TNS3: variants seen among roughly 807,000 people sequenced by gnomAD.
TNS3 encodes tensin-3.
TNS3 carries 45 observed loss-of-function variants against 140.9 expected under a neutral mutation model. That is an observed-to-expected ratio of 0.32 (90% CI 0.25 to 0.41). TNS3 has a LOEUF of 0.41. Ranked by LOEUF, TNS3 falls within the 10% of genes least tolerant of loss-of-function variation. The pLI, the probability that TNS3 is intolerant of heterozygous loss-of-function variation, is 1.00. For synonymous variants in TNS3, 815 were observed against 788.4 expected (o/e 1.03, Z -0.56); for missense variants, 1,716 against 1,906.7 (o/e 0.90, Z 1.86).
chr7:47,475,324 C>A lies in TNS3; in HGVS notation c.-76+5779G>T, dbSNP rs1397803976. On this transcript the variant is annotated intron_variant, in intron 4 of 30. Transcript: ENST00000311160. ...GACTCAGCCACTATTCTTACCCAACCCCTCTTCCAGGGCCACAGACCACAG... is the reference window on the plus strand; with the variant it reads ...GACTCAGCCACTATTCTTACCCAACACCTCTTCCAGGGCCACAGACCACAG... Among the ~76,000 whole-genome samples, 3 of 152,252 alleles carry A rather than the reference C, an allele frequency of 2.0e-5. No homozygotes were observed. The East Asian group carries it at 5.8e-4, about 29-fold the overall frequency.
chr7:47,282,463 C>A (rs1046670043), intron 28 of TNS3, among the ~76,000 whole-genome samples: 5 of 150,084 alleles, frequency 3.3e-5, no homozygotes, highest in African/African-American at 1.2e-4. Flanking sequence ...CTGAGTCCAC[C>A]GTGAAACTGA....
At position 47,435,820 on chromosome 7, in the gene TNS3, G is replaced by A. The variant is rs572133372; in HGVS notation, c.202-416C>T. 2.0e-5 allele frequency among the ~76,000 whole-genome samples: 3 copies of A among 152,254 alleles called. No individual in the cohort carries two copies. The South Asian group carries it at 6.2e-4, about 32-fold the overall frequency. ...CAGCCAGCCATCTCCCACACCGTGC[G>A]GACAACACCTCAGAGACAATCTCCT... On this transcript the variant is annotated intron_variant, in intron 7 of 30. Coordinates refer to ENST00000311160, the MANE Select transcript of TNS3 (RefSeq NM_022748.12).
intron 24 of TNS3, 95 bp downstream of exon 24, chr7:47,296,987 G>A (rs1239881148): frequency 6.8e-6 from 10 of 1,475,768 alleles, no homozygotes; most frequent in African/African-American, 1.4e-5. Context: ...TGTGAGTATT[G>A]TTAAAGTCAT....
intron 16 of TNS3, among the ~76,000 whole-genome samples, chr7:47,396,234 C>T (rs1443337471): frequency 6.6e-6 from 1 of 152,186 alleles, no homozygotes; most frequent in Non-Finnish European, 1.5e-5. Flanking sequence ...CTGCCCCTTC[C>T]TTCCTTTCCT....
Position 47,369,277 on chromosome 7 carries a change from C to A in TNS3, c.1369G>T (p.Val457Leu), listed in dbSNP as rs751534391. The change falls in exon 17 of 31, where the codon GTG (valine) becomes TTG (leucine). Residue 457 changes from valine (V) to leucine (L), a missense_variant. Physicochemically the swap from Val to Leu is conservative, Grantham distance 32. Transcript: ENST00000311160. ...ARSKYSGTRHVVPAQVHVNGD... is the reference protein window; with the variant it reads ...ARSKYSGTRHLVPAQVHVNGD... ...TTCACGTGAACCTGGGCTGGCACCACGTGGCGGGTCCCACTGTACTTGCTT... is the reference window on the plus strand; with the variant it reads ...TTCACGTGAACCTGGGCTGGCACCAAGTGGCGGGTCCCACTGTACTTGCTT... 14 of 1,614,210 alleles carry A rather than the reference C, an allele frequency of 8.7e-6. No homozygotes were observed. Among genetic ancestry groups the A allele is most frequent in the Non-Finnish European group, 1.2e-5 (14 of 1,180,046 alleles).
chr7:47,489,163 C>T (rs547036040), intron 3 of TNS3, among the ~76,000 whole-genome samples: 2 of 152,284 alleles, frequency 1.3e-5, no homozygotes, highest in African/African-American at 4.8e-5. Context: ...AGAAAACACC[C>T]GCCCGGCAGA....
intron 1 of TNS3, among the ~76,000 whole-genome samples, chr7:47,568,708 G>A (rs982469576): frequency 1.3e-5 from 2 of 152,218 alleles, no homozygotes; most frequent in Non-Finnish European, 2.9e-5. Context: ...TATCGCATTC[G>A]TGCAGCTGCA....
At chr7:47,338,832 AT>A (rs1216289703) in intron 20 of TNS3, among the ~76,000 whole-genome samples, 1 of 151,874 alleles carries the variant, frequency 6.6e-6, no homozygotes, top group African/African-American at 2.4e-5. Flanking sequence ...TGGTAGAATG[AT>A]TTTTTTTCTT....
At chr7:47,314,202 CTTCCAGTGACTGGGACTGCAGACAG>C (rs1211506382) in intron 20 of TNS3, among the ~76,000 whole-genome samples, 2 of 152,234 alleles carry the variant, frequency 1.3e-5, no homozygotes, top group African/African-American at 4.8e-5. Context: ...AGTGCAGTCA[CTTCCAGTGACTGGGACTGCAGACAG>C]CAAGGAGGAT....
intron 16 of TNS3, among the ~76,000 whole-genome samples, chr7:47,389,006 GAAGAAGAA>G: frequency 4.2e-4 from 1 of 2,408 alleles, no homozygotes; most frequent in African/African-American, 5.4e-4. Context: ...GAAGAAGGAA[GAAGAAGAA>G]GAAGAAGAAG....
intron 17 of TNS3, among the ~76,000 whole-genome samples, chr7:47,367,747 T>C (rs544284641): frequency 2.6e-5 from 4 of 152,288 alleles, no homozygotes; most frequent in African/African-American, 7.2e-5. Flanking sequence ...CTCTCCACAG[T>C]AGAACCCCTT....
chr7:47,415,473 C>T (rs1794030140), intron 10 of TNS3, among the ~76,000 whole-genome samples: 1 of 152,236 alleles, frequency 6.6e-6, no homozygotes, highest in Admixed American at 6.5e-5. Flanking sequence ...CTGTGCCTGT[C>T]CACTGAACCT....
In TNS3 at chr7:47,303,152, C is replaced by T. The variant is rs756518231; in HGVS notation, c.3255G>A (p.Leu1085=). ...CGGGCAGGGTCACACCCTGGCCCTG[C>T]AGGCCTGGACTGTGGTGGCTGCTGT... ...PGHSSHHSPG[L]QGQGVTLPGQ... is the part of the protein sequence containing the mutation. Residue 1085 remains leucine, a synonymous_variant, in exon 22 of 31, where the codon CTG becomes CTA. Transcript: ENST00000311160. 3 of 1,613,800 alleles carry T rather than the reference C, an allele frequency of 1.9e-6. No individual in the cohort carries two copies. In the Admixed American group the frequency reaches 5.0e-5, roughly 27 times the overall value.
intron 9 of TNS3, among the ~76,000 whole-genome samples, chr7:47,426,199 T>A (rs1447349051): frequency 6.6e-6 from 1 of 152,026 alleles, no homozygotes; most frequent in Non-Finnish European, 1.5e-5. Context: ...GGAGAATCAC[T>A]TGAACCTGGG....
rs7786607 is a variant in TNS3, at chr7:47,374,834, T to C, written c.1025-5213A>G. ...AACTCCCATTTGTGGTTCCTGGACATGGGTTGTGGGTGGGGTTCCTGGTGC... is the reference window on the plus strand; with the variant it reads ...AACTCCCATTTGTGGTTCCTGGACACGGGTTGTGGGTGGGGTTCCTGGTGC... On this transcript the variant is annotated intron_variant, in intron 16 of 30. Transcript: ENST00000311160. Among the ~76,000 whole-genome samples the C allele has an allele frequency of 7.7e-3, 1,172 of 152,048 alleles. 19 individuals carry two copies. Among genetic ancestry groups the C allele is most frequent in the African/African-American group, 0.027 (1,111 of 41,518 alleles).
intron 12 of TNS3, among the ~76,000 whole-genome samples, chr7:47,412,853 T>C (rs1433012227): frequency 1.3e-5 from 2 of 152,272 alleles, no homozygotes; most frequent in African/African-American, 4.8e-5. Flanking sequence ...TCACAGCCTT[T>C]ACATTGAATT....
intron 27 of TNS3, among the ~76,000 whole-genome samples, chr7:47,290,588 A>C (rs1785640877): frequency 6.6e-6 from 1 of 152,250 alleles, no homozygotes; most frequent in African/African-American, 2.4e-5. Context: ...GTAAATAAGC[A>C]TATGAAAAGG....
chr7:47,297,394 A>G (rs1472514666), intron 23 of TNS3, among the ~76,000 whole-genome samples, 181 bp from the exon 24 acceptor site: 1 of 151,858 alleles, frequency 6.6e-6, no homozygotes, highest in Non-Finnish European at 1.5e-5. Flanking sequence ...AGGGACCTTC[A>G]GGGAGGTCTC....
At chr7:47,288,862 C>A (rs2150587934) in intron 27 of TNS3, among the ~76,000 whole-genome samples, 1 of 152,310 alleles carries the variant, frequency 6.6e-6, no homozygotes, top group Non-Finnish European at 1.5e-5. Flanking sequence ...AGATACAAAC[C>A]TCAGGTCCGC....
Sources: allele counts gnomAD v4.1 joint callset (sites outside exome capture counted in the v4.1 genomes callset), GRCh38; gene constraint gnomAD v4.1.1; transcripts MANE v1.5; gene names NCBI Gene and HGNC (gene_info 2026-07-23, HGNC 2026-07-21).